The following CERS3 variants were observed in gnomAD, a reference collection of about 807,000 sequenced individuals.
CERS3 encodes LAG1 homolog, ceramide synthase 3.
In CERS3, 33 loss-of-function variants were observed where a neutral mutation model predicts 50.3. The ratio of observed to expected loss-of-function variants is 0.66; its 90% CI spans 0.50 to 0.88. CERS3 has a LOEUF of 0.88. CERS3 is among the 40% of genes least tolerant of loss of function. The probability of loss-of-function intolerance (pLI) is 0.00; values close to 1 mark genes in which losing one functional copy is unlikely to be tolerated. For missense variants in CERS3, 470 were observed against 460.3 expected, an observed-to-expected ratio of 1.02 and a Z score of -0.19; for synonymous variants, 176 against 155.2, an observed-to-expected ratio of 1.13 and a Z score of -0.99.
At chr15:100,419,957 T>TG (rs1555520600) in intron 11 of CERS3, among the ~76,000 whole-genome samples, 3 of 147,592 alleles carry the variant, frequency 2.0e-5, no homozygotes, top group East Asian at 4.1e-4. Flanking sequence ...TTTATAGCAC[T>TG]AAATGCCCAC....
chr15:100,495,781 G>A (rs1330002375), intron 3 of CERS3, among the ~76,000 whole-genome samples: 9 of 151,924 alleles, frequency 5.9e-5, no homozygotes, highest in Non-Finnish European at 1.3e-4. Flanking sequence ...AACTAGTAAG[G>A]TATTTTGCAT....
At chr15:100,464,503 C>T (rs775107728) in intron 10 of CERS3, among the ~76,000 whole-genome samples, 3 of 152,198 alleles carry the variant, frequency 2.0e-5, no homozygotes, top group Non-Finnish European at 4.4e-5. Context: ...CAAAACAGGG[C>T]ACACACACCT....
rs563878872 is a variant in CERS3, at chr15:100,436,005, G to A, written c.999+19888C>T. Among the ~76,000 whole-genome samples, 17 of 152,034 alleles carry A rather than the reference G, an allele frequency of 1.1e-4. No individual in the cohort carries two copies. The East Asian group carries it at 3.1e-3, about 28-fold the overall frequency. ...GCTGGTGAGGCTGTGGAGAAATAAT[G>A]CTTTTACACTGTTGGTGGGAGTGTA... is the stretch of plus-strand genomic sequence containing the variant. On this transcript the variant is annotated intron_variant, in intron 11 of 11. Coordinates refer to ENST00000679737, the MANE Select transcript of CERS3 (RefSeq NM_001378789.1).
intron 11 of CERS3, among the ~76,000 whole-genome samples, chr15:100,435,085 C>G (rs1596654115): frequency 6.6e-6 from 1 of 152,308 alleles, no homozygotes; most frequent in East Asian, 1.9e-4. Flanking sequence ...GCCGTGCTCT[C>G]AGGAAGCAGC....
intron 2 of CERS3, among the ~76,000 whole-genome samples, chr15:100,509,017 G>A (rs987656451): frequency 6.6e-5 from 10 of 152,276 alleles, no homozygotes; most frequent in South Asian, 2.1e-4. Context: ...CAATAGTAAC[G>A]GATGAGGCAT....
At chr15:100,470,555 AG>A (rs1567642232) in intron 9 of CERS3, among the ~76,000 whole-genome samples, 1 of 152,240 alleles carries the variant, frequency 6.6e-6, no homozygotes, top group South Asian at 2.1e-4. Context: ...TGGAAGGATC[AG>A]GGGCTAGCTG....
chr15:100,539,524 G>C (rs920196166), intron 1 of CERS3, among the ~76,000 whole-genome samples: 1 of 152,178 alleles, frequency 6.6e-6, no homozygotes, highest in Non-Finnish European at 1.5e-5. Flanking sequence ...TTCTTCACAA[G>C]GCAGCAGGGA....
chr15:100,520,623 T>C (rs1029410448), intron 2 of CERS3, among the ~76,000 whole-genome samples: 2 of 152,200 alleles, frequency 1.3e-5, no homozygotes, highest in Admixed American at 1.3e-4. Flanking sequence ...TCACCTTCAC[T>C]AAAAAGCAGG....
intron 1 of CERS3, among the ~76,000 whole-genome samples, chr15:100,526,869 A>C (rs2036810100): frequency 6.6e-6 from 1 of 152,160 alleles, no homozygotes; most frequent in Non-Finnish European, 1.5e-5. Context: ...ACTGTTTACC[A>C]AGGGCCTACC....
chr15:100,420,645 A>G (rs1243073121), intron 11 of CERS3, among the ~76,000 whole-genome samples: 1 of 151,598 alleles, frequency 6.6e-6, no homozygotes, highest in East Asian at 1.9e-4. Context: ...AGAATTTTAG[A>G]CCAATATCCT....
intron 11 of CERS3, among the ~76,000 whole-genome samples, chr15:100,428,021 C>G (rs1304379045): frequency 2.6e-5 from 4 of 152,156 alleles, no homozygotes; most frequent in Admixed American, 2.6e-4. Flanking sequence ...TCCTTCCCAG[C>G]CCTCATGGTA....
Position 100,417,831 on chromosome 15 carries a change from C to T in CERS3, c.1000-14966G>A, listed in dbSNP as rs187278234. Among the ~76,000 whole-genome samples, 658 of 151,964 alleles carry T rather than the reference C, an allele frequency of 4.3e-3. 19 individuals carry two copies. Among genetic ancestry groups the T allele is most frequent in the African/African-American group, 0.015 (599 of 41,224 alleles). ...CCCCAGCAAGGGCACACTGACACCT[C>T]ACACAGCAGGGTATTCCAACAGACC... On this transcript the variant is annotated intron_variant, in intron 11 of 11. Coordinates refer to ENST00000679737, the MANE Select transcript of CERS3 (RefSeq NM_001378789.1).
chr15:100,523,052 T>C (rs1408917143), intron 1 of CERS3, among the ~76,000 whole-genome samples: 2 of 152,206 alleles, frequency 1.3e-5, no homozygotes, highest in Admixed American at 6.5e-5. Flanking sequence ...TTCATTGCAG[T>C]TTTAATCTGC....
chr15:100,500,083 AC>A (rs1177815435), intron 3 of CERS3, among the ~76,000 whole-genome samples: 2 of 152,200 alleles, frequency 1.3e-5, no homozygotes, highest in African/African-American at 4.8e-5. Flanking sequence ...TCAATCTCCC[AC>A]TAATGATATA....
chr15:100,423,440 A>G (rs1396825996), intron 11 of CERS3, among the ~76,000 whole-genome samples: 1 of 152,206 alleles, frequency 6.6e-6, no homozygotes, highest in Non-Finnish European at 1.5e-5. Context: ...ATACAGCCAT[A>G]AAAAAGAACA....
At chr15:100,536,144 CCCTGTGCTCATATGTGCATGGGAA>C (rs2037069386) in intron 1 of CERS3, among the ~76,000 whole-genome samples, 2 of 108,182 alleles carry the variant, frequency 1.8e-5, no homozygotes, top group Admixed American at 9.8e-5. Flanking sequence ...GTGGGGATAT[CCCTGTGCTCATATGTGCATGGGAA>C]GTGGGGATAT....
intron 4 of CERS3, among the ~76,000 whole-genome samples, chr15:100,488,777 T>A (rs539410794): frequency 8.5e-6 from 1 of 117,374 alleles, no homozygotes; most frequent in Non-Finnish European, 1.7e-5. Flanking sequence ...GGGTGATATA[T>A]AACTGTTTTT....
intron 11 of CERS3, among the ~76,000 whole-genome samples, chr15:100,410,927 T>C (rs1286481986): frequency 6.6e-6 from 1 of 152,204 alleles, no homozygotes. Flanking sequence ...TCTTTTCATC[T>C]TGTGAAACAG....
chr15:100,498,828 C>T lies in CERS3; in HGVS notation c.173+2849G>A, dbSNP rs539370873. Among the ~76,000 whole-genome samples the T allele has an allele frequency of 4.3e-4, 65 of 152,324 alleles. No homozygotes were observed. The South Asian group carries it at 8.3e-3, about 19-fold the overall frequency. ...TAGCCTATTGGCATAAGATTGATTCCCAGTTCCTAAGGATTCAGAGGCTCT... is the reference window on the plus strand; with the variant it reads ...TAGCCTATTGGCATAAGATTGATTCTCAGTTCCTAAGGATTCAGAGGCTCT... On this transcript the variant is annotated intron_variant, in intron 3 of 11. Transcript: ENST00000679737.
Sources: allele counts gnomAD v4.1 joint callset (sites outside exome capture counted in the v4.1 genomes callset), GRCh38; gene constraint gnomAD v4.1.1; transcripts MANE v1.5; gene names NCBI Gene and HGNC (gene_info 2026-07-23, HGNC 2026-07-21).